Variants in TNFRSF6B observed in about 807,000 individuals in gnomAD.
TNFRSF6B encodes the protein tumor necrosis factor receptor superfamily member 6B.
In TNFRSF6B, 23 loss-of-function variants were observed where a neutral mutation model predicts 17.9. That is an observed-to-expected ratio of 1.28 (90% CI 0.92 to 1.82). The LOEUF (loss-of-function observed/expected upper bound fraction) is 1.82, where lower values mean the gene tolerates loss of function less well. Among genes scored for constraint, TNFRSF6B ranks in the 40% most tolerant of loss-of-function variants. The pLI is 0.00. For synonymous variants in TNFRSF6B, 291 were observed against 195.8 expected, an observed-to-expected ratio of 1.49 and a Z score of -4.06; for missense variants, 555 against 437.2, an observed-to-expected ratio of 1.27 and a Z score of -2.40.
At chr20:63,698,153 TCACTGCACA>T (rs1349789341) in intron 2 of TNFRSF6B, 118 bp from the exon 3 acceptor site, 1 of 1,241,980 alleles carries the variant, frequency 8.1e-7, no homozygotes, top group East Asian at 2.7e-5. Flanking sequence ...CCAGCACGGC[TCACTGCACA>T]GGGATTTCTC....
At chr20:63,697,298 C>T in intron 1 of TNFRSF6B, 30 bp from the exon 2 acceptor site, 1 of 1,599,492 alleles carries the variant, frequency 6.3e-7, no homozygotes, top group African/African-American at 1.3e-5. Flanking sequence ...CACCAGTTCC[C>T]CTGACCCTGT....
At chr20:63,697,633 G>A (rs939716894) in intron 2 of TNFRSF6B, 111 bp downstream of exon 2, 26 of 1,227,944 alleles carry the variant, frequency 2.1e-5, no homozygotes, top group Non-Finnish European at 2.7e-5. Flanking sequence ...GCTCTGGGAA[G>A]GGGCCACAGT....
At position 63,697,187 on chromosome 20, in the gene TNFRSF6B, C is replaced by A; in HGVS notation, c.420C>A (p.Ala140=). The change falls in exon 1 of 3, where the codon GCC becomes GCA. Residue 140 remains alanine, a synonymous_variant. Coordinates refer to ENST00000369996, the MANE Select transcript of TNFRSF6B (RefSeq NM_003823.4). The part of the protein sequence containing the change: ...ASCPPGAGVI[A]PGTPSQNTQC... ...GTCCACCTGGTGCCGGCGTGATTGC[C>A]CCGGGTGAGAGCTGGGCGAGGGGAG... 6.4e-7 allele frequency: 1 copy of A among 1,559,572 alleles called. No individual in the cohort carries two copies. The highest frequency in any genetic ancestry group is 1.2e-5 in the South Asian group (1 of 85,942).
Position 63,698,602 on chromosome 20 carries a change from C to T in TNFRSF6B, c.*39C>T, listed in dbSNP as rs768939980. 1.3e-4 allele frequency: 192 copies of T among 1,450,464 alleles called. No individual in the cohort carries two copies. The highest frequency in any genetic ancestry group is 1.3e-3 in the Middle Eastern group (5 of 3,794). The allele number at this position is 1,450,464 out of a possible 1,614,324, so 89.8% of individuals were successfully genotyped here. A position where few individuals can be genotyped will look rare whatever the true frequency, so the allele number is the denominator to read the frequency against. On this transcript the variant is annotated 3_prime_UTR_variant, in exon 3 of 3. Transcript: ENST00000369996. ...TTATTTATTCTACATCCTTGGCACC[C>T]CACTTGCACTGAAAGAGGCTTTTTT...
At position 63,697,477 on chromosome 20, in the gene TNFRSF6B, C is replaced by T. The variant is rs746808259; in HGVS notation, c.574C>T (p.Leu192=). The T allele has an allele frequency of 2.5e-6, 4 of 1,576,650 alleles. No homozygotes were observed. Among genetic ancestry groups the T allele is most frequent in the Non-Finnish European group, 3.4e-6 (4 of 1,161,748 alleles). The part of the protein sequence containing the change: ...NVPGSSSHDT[L]CTSCTGFPLS... ...GCCAGGCTCTTCCTCCCATGACACC[C>T]TGTGCACCAGCTGCACTGGCTTCCC... The change falls in exon 2 of 3, where the codon CTG becomes TTG. Residue 192 remains leucine, a synonymous_variant. Coordinates refer to ENST00000369996, the MANE Select transcript of TNFRSF6B (RefSeq NM_003823.4).
rs1011672485 is a variant in TNFRSF6B at position 63,697,159 on chromosome 20, C to T, written c.392C>T (p.Ser131Leu). 9 of 1,572,452 alleles carry T rather than the reference C, an allele frequency of 5.7e-6. No homozygotes were observed. Among genetic ancestry groups the T allele is most frequent in the African/African-American group, 4.0e-5 (3 of 74,092 alleles). ...AHAGFCLEHA[S>L]CPPGAGVIAP... ...GCTGGTTTCTGCTTGGAGCACGCAT[C>T]GTGTCCACCTGGTGCCGGCGTGATT... The change falls in exon 1 of 3, where the codon TCG becomes TTG. Residue 131 changes from serine to leucine, a missense_variant. Physicochemically the swap from Ser to Leu is moderately radical, Grantham distance 145. Coordinates refer to ENST00000369996, the MANE Select transcript of TNFRSF6B (RefSeq NM_003823.4).
chr20:63,697,182 A>T lies in TNFRSF6B; in HGVS notation c.415A>T (p.Ile139Phe). ...ATCGTGTCCACCTGGTGCCGGCGTG[A>T]TTGCCCCGGGTGAGAGCTGGGCGAG... ...HASCPPGAGV[I>F]APGTPSQNTQ... The change falls in exon 1 of 3, where the codon ATT (isoleucine) becomes TTT (phenylalanine). Residue 139 changes from isoleucine to phenylalanine, a missense_variant. Physicochemically the swap from Ile to Phe is conservative, Grantham distance 21 (BLOSUM62 0). Transcript: ENST00000369996. The T allele has an allele frequency of 6.4e-7, 1 of 1,561,054 alleles. No homozygotes were observed. Among genetic ancestry groups the T allele is most frequent in the Middle Eastern group, 1.7e-4 (1 of 5,778 alleles).
intron 2 of TNFRSF6B, 99 bp from the exon 3 acceptor site, chr20:63,698,181 A>C: frequency 1.4e-6 from 2 of 1,455,260 alleles, no homozygotes. Flanking sequence ...TCTCTCCTGC[A>C]AACCCCCCGA....
At position 63,697,322 on chromosome 20, in the gene TNFRSF6B, C is replaced by T. The variant is rs2091004131; in HGVS notation, c.425-6C>T. 1 of 1,605,922 alleles carries T rather than the reference C, an allele frequency of 6.2e-7. No individual in the cohort carries two copies. On this transcript the variant is annotated splice_region_variant and splice_polypyrimidine_tract_variant and intron_variant, in intron 1 of 2. Transcript: ENST00000369996. The stretch of plus-strand genomic sequence containing the variant: ...CCCTGACCCTGTTCTTCCCTCCTGG[C>T]TGCAGGCACCCCCAGCCAGAACACG...
chr20:63,698,176 C>T, intron 2 of TNFRSF6B, 104 bp from the exon 3 acceptor site: 1 of 1,424,834 alleles, frequency 7.0e-7, no homozygotes, highest in Non-Finnish European at 9.4e-7. Context: ...ATTTCTCTCT[C>T]CTGCAAACCC....
Position 63,697,154 on chromosome 20 carries a change from C to G in TNFRSF6B, c.387C>G (p.His129Gln), listed in dbSNP as rs546822520. Residue 129 changes from histidine (H) to glutamine (Q), a missense_variant, in exon 1 of 3, where the codon CAC (histidine) becomes CAG (glutamine). By Grantham distance (24) the His-to-Gln change is conservative. Transcript: ENST00000369996. The stretch of plus-strand genomic sequence containing the variant: ...CGCACGCTGGTTTCTGCTTGGAGCA[C>G]GCATCGTGTCCACCTGGTGCCGGCG... ...FFAHAGFCLE[H>Q]ASCPPGAGVI... 6.4e-7 allele frequency: 1 copy of G among 1,574,716 alleles called. No homozygotes were observed. Among genetic ancestry groups the G allele is most frequent in the African/African-American group, 1.3e-5 (1 of 74,188 alleles).
chr20:63,696,753 G>C lies in TNFRSF6B; in HGVS notation c.-15G>C. The stretch of plus-strand genomic sequence containing the variant: ...GTCCGCGCTGAGCCGCGCTCTCCCT[G>C]CTCCAGCAAGGACCATGAGGGCGCT... On this transcript the variant is annotated 5_prime_UTR_variant, in exon 1 of 3. Transcript: ENST00000369996. The C allele has an allele frequency of 6.4e-7, 1 of 1,554,692 alleles. No individual in the cohort carries two copies. The highest frequency in any genetic ancestry group is 1.2e-5 in the South Asian group (1 of 83,690).
Position 63,698,293 on chromosome 20 carries a change from T to C in TNFRSF6B, c.633T>C (p.Cys211=). 1 of 1,610,762 alleles carries C rather than the reference T, an allele frequency of 6.2e-7. No homozygotes were observed. The highest frequency in any genetic ancestry group is 8.5e-7 in the Non-Finnish European group (1 of 1,179,162). ...ACCCCACTGCAGGAGCTGAGGAGTG[T>C]GAGCGTGCCGTCATCGACTTTGTGG... ...LSTRVPGAEE[C]ERAVIDFVAF... Residue 211 remains cysteine (C), a synonymous_variant, in exon 3 of 3, where the codon TGT becomes TGC. Coordinates refer to ENST00000369996, the MANE Select transcript of TNFRSF6B (RefSeq NM_003823.4).
In TNFRSF6B at chr20:63,698,455, G is replaced by C. The variant is rs2091034863; in HGVS notation, c.795G>C (p.Leu265=). 1.3e-6 allele frequency: 2 copies of C among 1,564,742 alleles called. No homozygotes were observed. The highest frequency in any genetic ancestry group is 1.4e-5 in the African/African-American group (1 of 71,640). ...TGCGTCGGCGGCTCACGGAGCTCCT[G>C]GGGGCGCAGGACGGGGCGCTGCTGG... ...LKLRRRLTEL[L]GAQDGALLVR... is the part of the protein sequence containing the mutation. Residue 265 remains leucine (L), a synonymous_variant, in exon 3 of 3, where the codon CTG becomes CTC. Coordinates refer to ENST00000369996, the MANE Select transcript of TNFRSF6B (RefSeq NM_003823.4).
intron 2 of TNFRSF6B, among the ~76,000 whole-genome samples, chr20:63,697,982 C>A (rs551983368): frequency 1.3e-5 from 2 of 152,168 alleles, no homozygotes; most frequent in Admixed American, 1.3e-4. Context: ...GGTCCCAACT[C>A]GCCCCTTCCG....
Position 63,697,223 on chromosome 20 carries a change from G to A in TNFRSF6B, c.424+32G>A, listed in dbSNP as rs764438319. 1.5e-5 allele frequency: 23 copies of A among 1,552,278 alleles called. No individual in the cohort carries two copies. In the African/African-American group the frequency reaches 1.5e-4, roughly 10 times the overall value. On this transcript the variant is annotated intron_variant, in intron 1 of 2. Coordinates refer to ENST00000369996, the MANE Select transcript of TNFRSF6B (RefSeq NM_003823.4). ...GCTGGGCGAGGGGAGGGGCCCCCAGGAGTGGTGGCCGGAGGTGTGGCAGGG... is the reference window on the plus strand; with the variant it reads ...GCTGGGCGAGGGGAGGGGCCCCCAGAAGTGGTGGCCGGAGGTGTGGCAGGG...
chr20:63,697,621 T>G, intron 2 of TNFRSF6B, 99 bp downstream of exon 2: 1 of 1,316,224 alleles, frequency 7.6e-7, no homozygotes, highest in Non-Finnish European at 1.0e-6. Context: ...GCATGCCAGC[T>G]GGCTCTGGGA....
chr20:63,698,479 G>C lies in TNFRSF6B; in HGVS notation c.819G>C (p.Leu273=), dbSNP rs767639306. The change falls in exon 3 of 3, where the codon CTG becomes CTC. Residue 273 remains leucine (L), a synonymous_variant. Transcript: ENST00000369996. ...TGGGGGCGCAGGACGGGGCGCTGCT[G>C]GTGCGGCTGCTGCAGGCGCTGCGCG... The part of the protein sequence containing the change: ...ELLGAQDGAL[L]VRLLQALRVA... 6.4e-7 allele frequency: 1 copy of C among 1,552,710 alleles called. No individual in the cohort carries two copies. Among genetic ancestry groups the C allele is most frequent in the Non-Finnish European group, 8.6e-7 (1 of 1,157,512 alleles).
rs771116925 is a variant in TNFRSF6B at position 63,696,902 on chromosome 20, G to A, written c.135G>A (p.Glu45=). 2.2e-5 allele frequency: 35 copies of A among 1,610,886 alleles called. No homozygotes were observed. The highest frequency in any genetic ancestry group is 1.6e-4 in the Middle Eastern group (1 of 6,072). Residue 45 remains glutamate (E), a synonymous_variant, in exon 1 of 3, where the codon GAG becomes GAA. Coordinates refer to ENST00000369996, the MANE Select transcript of TNFRSF6B (RefSeq NM_003823.4). ...CCTGGCGGGACGCAGAGACAGGGGA[G>A]CGGCTGGTGTGCGCCCAGTGCCCCC... The part of the protein sequence containing the change: ...TYPWRDAETG[E]RLVCAQCPPG...
Sources: gnomAD v4.1 joint callset for allele counts (sites outside exome capture counted in the v4.1 genomes callset) on GRCh38, gnomAD v4.1.1 for gene constraint, MANE v1.5 for transcripts, NCBI Gene and HGNC (gene_info 2026-07-23, HGNC 2026-07-21) for gene names.